SEMA5A: variants seen among roughly 807,000 people sequenced by gnomAD.
The protein encoded by SEMA5A is semaphorin 5A.
In SEMA5A, 55 loss-of-function variants were observed where a neutral mutation model predicts 135.5. That is an observed-to-expected ratio of 0.41 (90% confidence interval 0.33 to 0.51). The LOEUF (loss-of-function observed/expected upper bound fraction) is 0.51. SEMA5A is among the 20% of genes least tolerant of loss of function. The pLI, the probability that SEMA5A is intolerant of heterozygous loss-of-function variation, is 0.37. For missense variants in SEMA5A, 1,290 were observed against 1,419.9 expected (o/e 0.91, Z 1.47); for synonymous variants, 580 against 546.5 (o/e 1.06, Z -0.85).
chr5:9,200,044 T>A (rs1343951757), intron 9 of SEMA5A, among the ~76,000 whole-genome samples: 2 of 152,172 alleles, frequency 1.3e-5, no homozygotes, highest in Non-Finnish European at 2.9e-5. Flanking sequence ...CTGATCCTCC[T>A]TTTCTTTCCG....
At chr5:9,388,460 CCTTT>C (rs1339784745) in intron 2 of SEMA5A, among the ~76,000 whole-genome samples, 2 of 149,240 alleles carry the variant, frequency 1.3e-5, no homozygotes, top group African/African-American at 2.5e-5. Flanking sequence ...CAACAAAAGT[CCTTT>C]CTAAGAAAAA....
intron 2 of SEMA5A, among the ~76,000 whole-genome samples, chr5:9,392,444 A>G (rs1468925974): frequency 6.6e-6 from 1 of 151,616 alleles, no homozygotes; most frequent in Non-Finnish European, 1.5e-5. Context: ...ATACAGGTAT[A>G]TTCAGTACCT....
At chr5:9,365,978 T>G (rs955429406) in intron 3 of SEMA5A, among the ~76,000 whole-genome samples, 1 of 152,208 alleles carries the variant, frequency 6.6e-6, no homozygotes, top group East Asian at 1.9e-4. Flanking sequence ...GCTTACTCTT[T>G]GCATCTAGTT....
At chr5:9,534,950 C>T (rs1737674758) in intron 1 of SEMA5A, among the ~76,000 whole-genome samples, 1 of 152,212 alleles carries the variant, frequency 6.6e-6, no homozygotes, top group African/African-American at 2.4e-5. Context: ...CTTGTCCTGA[C>T]TTGTGTAAGA....
intron 1 of SEMA5A, among the ~76,000 whole-genome samples, chr5:9,539,252 G>A (rs1737946937): frequency 1.3e-5 from 2 of 152,256 alleles, no homozygotes; most frequent in East Asian, 1.9e-4. Flanking sequence ...TTGGCACAAG[G>A]TTTTGAGGTT....
intron 12 of SEMA5A, among the ~76,000 whole-genome samples, chr5:9,140,649 C>A (rs1285140018): frequency 6.6e-6 from 1 of 152,192 alleles, no homozygotes. Context: ...TTTGCGGCTC[C>A]TATGGCAAAC....
At chr5:9,223,971 C>T (rs1338220997) in intron 8 of SEMA5A, among the ~76,000 whole-genome samples, 1 of 152,074 alleles carries the variant, frequency 6.6e-6, no homozygotes, top group African/African-American at 2.4e-5. Flanking sequence ...AAAATAAATG[C>T]ATGGATGAAA....
intron 5 of SEMA5A, among the ~76,000 whole-genome samples, chr5:9,306,387 T>A (rs1028668442): frequency 6.6e-6 from 1 of 152,228 alleles, no homozygotes; most frequent in South Asian, 2.1e-4. Context: ...TCCAGTTCAC[T>A]AATACAATAT....
intron 22 of SEMA5A, 148 bp from the exon 23 acceptor site, chr5:9,043,164 A>G: frequency 1.3e-6 from 1 of 754,116 alleles, no homozygotes; most frequent in Non-Finnish European, 2.0e-6. Context: ...TTGCTTCCCC[A>G]GATTATTTGC....
At chr5:9,078,558 T>A (rs78695831) in intron 16 of SEMA5A, among the ~76,000 whole-genome samples, 230 of 151,020 alleles carry the variant, frequency 1.5e-3, no homozygotes, top group African/African-American at 5.4e-3. Context: ...TGGTCTGCCT[T>A]CTGACCAGAA....
At chr5:9,299,373 C>G (rs535485936) in intron 5 of SEMA5A, among the ~76,000 whole-genome samples, 1 of 152,212 alleles carries the variant, frequency 6.6e-6, no homozygotes, top group East Asian at 1.9e-4. Flanking sequence ...AAAGAAATAG[C>G]AAGTGGAGAT....
intron 1 of SEMA5A, among the ~76,000 whole-genome samples, chr5:9,529,974 G>A (rs1163522630): frequency 6.6e-6 from 1 of 152,204 alleles, no homozygotes; most frequent in African/African-American, 2.4e-5. Context: ...GTGTCACGTG[G>A]AAATAGCCTC....
intron 1 of SEMA5A, among the ~76,000 whole-genome samples, chr5:9,494,587 C>T (rs539123537): frequency 1.3e-5 from 2 of 152,116 alleles, no homozygotes; most frequent in African/African-American, 2.4e-5. Flanking sequence ...GAGTCAGCTT[C>T]TGCCAAATCC....
chr5:9,294,381 G>A (rs1751231384), intron 5 of SEMA5A, among the ~76,000 whole-genome samples: 1 of 152,132 alleles, frequency 6.6e-6, no homozygotes, highest in South Asian at 2.1e-4. Context: ...ATGGGGCAGG[G>A]GACCCTGGCC....
In SEMA5A at chr5:9,040,207, G is replaced by A. The variant is rs1735887062; in HGVS notation, c.*2690C>T. The A allele has an allele frequency of 6.6e-6, 1 of 152,226 alleles. No homozygotes were observed. The highest frequency in any genetic ancestry group is 1.5e-5 in the Non-Finnish European group (1 of 68,046). The allele number at this position is 152,226 out of a possible 1,614,324, so 9.4% of individuals were successfully genotyped here. On this transcript the variant is annotated 3_prime_UTR_variant, in exon 23 of 23. Coordinates refer to ENST00000382496, the MANE Select transcript of SEMA5A (RefSeq NM_003966.3). The stretch of plus-strand genomic sequence containing the variant: ...GGAAAGAAGAAAAGAAGGCAGGAAG[G>A]AAGAACAAAAGGAGGGAATGAAGGA...
At chr5:9,256,256 C>A (rs1367456145) in intron 5 of SEMA5A, among the ~76,000 whole-genome samples, 11 of 152,150 alleles carry the variant, frequency 7.2e-5, no homozygotes, top group African/African-American at 2.7e-4. Context: ...AATTCAAAGT[C>A]TTGGGCCTGG....
intron 5 of SEMA5A, among the ~76,000 whole-genome samples, chr5:9,296,159 C>T (rs139808070): frequency 3.3e-5 from 5 of 152,104 alleles, no homozygotes; most frequent in Non-Finnish European, 5.9e-5. Flanking sequence ...AGTTGAACCC[C>T]ACAGAAGGAA....
At chr5:9,111,844 C>T (rs1180460515) in intron 15 of SEMA5A, among the ~76,000 whole-genome samples, 10 of 152,168 alleles carry the variant, frequency 6.6e-5, no homozygotes, top group Non-Finnish European at 1.0e-4. Context: ...CCTCTCCCTG[C>T]CCCCAGCCCA....
chr5:9,123,175 T>C (rs1439230520), intron 13 of SEMA5A, among the ~76,000 whole-genome samples: 1 of 136,340 alleles, frequency 7.3e-6, no homozygotes, highest in African/African-American at 2.7e-5. Flanking sequence ...AATGGTGTGG[T>C]GTGAACCCGG....
Sources: gnomAD v4.1 joint callset for allele counts (sites outside exome capture counted in the v4.1 genomes callset) on GRCh38, gnomAD v4.1.1 for gene constraint, MANE v1.5 for transcripts, NCBI Gene and HGNC (gene_info 2026-07-23, HGNC 2026-07-21) for gene names.